Variants in TRAF2 observed in about 807,000 individuals in gnomAD.
The protein encoded by TRAF2 is TNF receptor-associated factor 2.
A neutral mutation model predicts 55.6 loss-of-function variants in TRAF2; 6 were observed. The observed-to-expected ratio is 0.11, with a 90% CI of 0.06 to 0.21. The LOEUF is 0.21. TRAF2 is among the 10% of genes least tolerant of loss of function. The pLI is 1.00. For synonymous variants in TRAF2, 329 were observed against 276.3 expected, an observed-to-expected ratio of 1.19 and a Z score of -1.89; for missense variants, 561 against 684.5, an observed-to-expected ratio of 0.82 and a Z score of 2.01.
chr9:136,890,087 C>T lies in TRAF2; in HGVS notation c.-29+3546C>T, dbSNP rs1285492220. Among the ~76,000 whole-genome samples the T allele has an allele frequency of 6.2e-5, 9 of 145,322 alleles. 1 individual carries two copies. In the East Asian group the frequency reaches 1.0e-3, roughly 17 times the overall value. On this transcript the variant is annotated intron_variant, in intron 1 of 10. Transcript: ENST00000247668. Reference sequence around the variant, plus strand: ...GGTCACCGCGTGTGTGAGTCCCCACCGCACGCTTGTTCAGCCGGTCACCGC... The same window carrying T: ...GGTCACCGCGTGTGTGAGTCCCCACTGCACGCTTGTTCAGCCGGTCACCGC...
At position 136,904,412 on chromosome 9, in the gene TRAF2, T is replaced by TA. The variant is rs544166009; in HGVS notation, c.367-3658_367-3657insA. ...AGAACAGTCTTTTTTATTTTTATTT[T>TA]TTTATTTATTTGAGATGGAGTCTCA... On this transcript the variant is annotated intron_variant, in intron 4 of 10. Transcript: ENST00000247668. Among the ~76,000 whole-genome samples, 39 of 152,238 alleles carry TA rather than the reference T, an allele frequency of 2.6e-4. No homozygotes were observed. In the South Asian group the frequency reaches 7.9e-3, roughly 31 times the overall value.
chr9:136,882,600 G>A (rs1374703397), upstream of TRAF2: 56 of 941,346 alleles, frequency 5.9e-5, no homozygotes, highest in East Asian at 2.8e-3. Context: ...GAGACTGCCC[G>A]GGGACATACC....
intron 9 of TRAF2, 45 bp from the exon 10 acceptor site, chr9:136,923,807 C>G (rs754885782): frequency 5.0e-6 from 8 of 1,602,540 alleles, no homozygotes; most frequent in Non-Finnish European, 6.8e-6. Flanking sequence ...CCTGCCCCGC[C>G]CTTGCTGAGT....
rs770723056 is a variant in TRAF2, at chr9:136,898,905, C to T, written c.165C>T (p.Ser55=). 6 of 1,610,506 alleles carry T rather than the reference C, an allele frequency of 3.7e-6. No individual in the cohort carries two copies. Among genetic ancestry groups the T allele is most frequent in the South Asian group, 1.1e-5 (1 of 90,654 alleles). ...CGCAGTGTGGCCACCGGTACTGCTC[C>T]TTCTGCCTGGCCAGCATCCTCAGGT... is the stretch of plus-strand genomic sequence containing the variant. ...FQAQCGHRYC[S]FCLASILSSG... The change falls in exon 2 of 11, where the codon TCC becomes TCT. Residue 55 remains serine (S), a synonymous_variant. Coordinates refer to ENST00000247668, the MANE Select transcript of TRAF2 (RefSeq NM_021138.4).
rs1330769287 is a variant in TRAF2, at chr9:136,898,203, C to G, written c.-28-510C>G. 3.3e-5 allele frequency among the ~76,000 whole-genome samples: 5 copies of G among 152,210 alleles called. No homozygotes were observed. The East Asian group carries it at 9.6e-4, about 29-fold the overall frequency. ...TAGGGGCTGGTCTGGCGGCATGGCT[C>G]TCTCCTGAGTGCCTTCAGAGCCTGA... On this transcript the variant is annotated intron_variant, in intron 1 of 10. Coordinates refer to ENST00000247668, the MANE Select transcript of TRAF2 (RefSeq NM_021138.4).
At chr9:136,884,227 C>A (rs548162916), upstream of TRAF2, among the ~76,000 whole-genome samples, 55 of 151,702 alleles carry the variant, frequency 3.6e-4, 1 homozygote, top group South Asian at 0.012. Flanking sequence ...GGATTACAGG[C>A]ATGAGCCGCC....
chr9:136,890,167 C>T (rs1849551092), intron 1 of TRAF2, among the ~76,000 whole-genome samples: 1 of 148,770 alleles, frequency 6.7e-6, no homozygotes, highest in African/African-American at 2.5e-5. Context: ...GTGAGAGTCC[C>T]CACCGCACGC....
At position 136,920,452 on chromosome 9, in the gene TRAF2, T is replaced by G. The variant is rs112407582; in HGVS notation, c.897T>G (p.Thr299=). Residue 299 remains threonine (T), a synonymous_variant, in exon 8 of 11, where the codon ACT becomes ACG. Coordinates refer to ENST00000247668, the MANE Select transcript of TRAF2 (RefSeq NM_021138.4). ...GGGAGGTGGAGAGGGTGGCCATGACTGCCGAGGCCTGCAGCCGGCAGCACC... is the reference window on the plus strand; with the variant it reads ...GGGAGGTGGAGAGGGTGGCCATGACGGCCGAGGCCTGCAGCCGGCAGCACC... ...LNREVERVAM[T]AEACSRQHRL... 4.6e-5 allele frequency: 74 copies of G among 1,613,502 alleles called. 1 individual carries two copies. The African/African-American group carries it at 5.5e-4, about 12-fold the overall frequency.
Position 136,920,007 on chromosome 9 carries a change from T to C in TRAF2, c.679-227T>C, listed in dbSNP as rs147177355. ...TGCTGGAATCACAGTTGCTAGCTAC[T>C]GTGCCTGGCTGCAACTAAGTTCTAT... On this transcript the variant is annotated intron_variant, in intron 7 of 10. Coordinates refer to ENST00000247668, the MANE Select transcript of TRAF2 (RefSeq NM_021138.4). 2.4e-3 allele frequency among the ~76,000 whole-genome samples: 373 copies of C among 152,364 alleles called. 1 individual carries two copies. Among genetic ancestry groups the C allele is most frequent in the Non-Finnish European group, 4.7e-3 (318 of 68,030 alleles).
chr9:136,923,322 T>G (rs1202430441), intron 9 of TRAF2, among the ~76,000 whole-genome samples: 1 of 152,134 alleles, frequency 6.6e-6, no homozygotes, highest in Non-Finnish European at 1.5e-5. Context: ...TTAGAAATGC[T>G]TTTTCTGGCT....
intron 6 of TRAF2, among the ~76,000 whole-genome samples, chr9:136,910,387 T>C (rs1850076003): frequency 6.6e-6 from 1 of 152,198 alleles, no homozygotes; most frequent in South Asian, 2.1e-4. Context: ...CGCCCTAGTC[T>C]GGTCTGCTGC....
At chr9:136,903,828 G>GC (rs1464006004) in intron 4 of TRAF2, among the ~76,000 whole-genome samples, 1 of 151,900 alleles carries the variant, frequency 6.6e-6, no homozygotes, top group Non-Finnish European at 1.5e-5. Context: ...GACTACAGGC[G>GC]CCCCCACCAC....
chr9:136,910,705 C>G (rs948590588), intron 6 of TRAF2, among the ~76,000 whole-genome samples: 3 of 152,238 alleles, frequency 2.0e-5, no homozygotes, highest in Non-Finnish European at 4.4e-5. Context: ...AGGGGTCAGG[C>G]TGGCCAGGCC....
At chr9:136,925,641 G>GC (rs775463344) in intron 10 of TRAF2, 42 bp from the exon 11 acceptor site, 10 of 1,597,260 alleles carry the variant, frequency 6.3e-6, no homozygotes, top group Non-Finnish European at 7.7e-6. Context: ...GAGAGAGACG[G>GC]CCCACAGACC....
At chr9:136,917,380 G>A (rs949698891) in intron 7 of TRAF2, among the ~76,000 whole-genome samples, 1 of 152,236 alleles carries the variant, frequency 6.6e-6, no homozygotes, top group Non-Finnish European at 1.5e-5. Context: ...ACAATGGCCA[G>A]GCGCCTGGGT....
chr9:136,889,921 CTTGT>C (rs1470573238), intron 1 of TRAF2, among the ~76,000 whole-genome samples: 1 of 152,104 alleles, frequency 6.6e-6, no homozygotes, highest in Non-Finnish European at 1.5e-5. Context: ...CCCCCGCATG[CTTGT>C]TCAGCTCGTC....
At chr9:136,919,355 G>A (rs7048838) in intron 7 of TRAF2, among the ~76,000 whole-genome samples, 107,951 of 140,928 alleles carry the variant, frequency 0.77, 41,552 homozygotes, top group East Asian at 0.87. Flanking sequence ...CTAGAGTACA[G>A]TGGCGCGATC....
At chr9:136,923,280 T>A (rs938133781) in intron 9 of TRAF2, among the ~76,000 whole-genome samples, 21 of 152,094 alleles carry the variant, frequency 1.4e-4, no homozygotes, top group Non-Finnish European at 2.2e-4. Flanking sequence ...TCTGCTCATC[T>A]TCTTAAGTTT....
chr9:136,899,318 C>T (rs1447155905), intron 2 of TRAF2, among the ~76,000 whole-genome samples: 4 of 152,178 alleles, frequency 2.6e-5, no homozygotes, highest in East Asian at 1.9e-4. Flanking sequence ...GGCAGCAGCT[C>T]GGCCTGTCGG....
Sources: gnomAD v4.1 joint callset for allele counts (sites outside exome capture counted in the v4.1 genomes callset) on GRCh38, gnomAD v4.1.1 for gene constraint, MANE v1.5 for transcripts, NCBI Gene and HGNC (gene_info 2026-07-23, HGNC 2026-07-21) for gene names.